The following NEK11 variants were observed in gnomAD, a reference collection of about 807,000 sequenced individuals.
NEK11 encodes NIMA related kinase 11, also known as serine/threonine-protein kinase Nek11.
NEK11 carries 72 observed loss-of-function variants against 80.7 expected under a neutral mutation model. That is an observed-to-expected ratio of 0.89 (90% CI 0.74 to 1.08). The LOEUF (loss-of-function observed/expected upper bound fraction) is 1.08. NEK11 is among the 50% of genes least tolerant of loss of function. NEK11 has a pLI of 0.00. For synonymous variants in NEK11, 251 were observed against 260.7 expected (o/e 0.96, Z 0.36); for missense variants, 764 against 763.6 (o/e 1.00, Z -0.01).
intron 14 of NEK11, among the ~76,000 whole-genome samples, chr3:131,223,236 T>C (rs2095082623): frequency 6.6e-6 from 1 of 152,204 alleles, no homozygotes; most frequent in Non-Finnish European, 1.5e-5. Context: ...TGAACGGACT[T>C]ACGTTTTTTT....
chr3:131,094,595 A>C (rs1440851067), intron 4 of NEK11, among the ~76,000 whole-genome samples: 3 of 152,178 alleles, frequency 2.0e-5, no homozygotes, highest in African/African-American at 7.2e-5. Context: ...ACCACTGGAA[A>C]TTTCTCCAGG....
At chr3:131,030,631 T>A (rs1307053340) in intron 3 of NEK11, among the ~76,000 whole-genome samples, 2 of 152,204 alleles carry the variant, frequency 1.3e-5, no homozygotes, top group African/African-American at 4.8e-5. Context: ...ATGGCGAGGA[T>A]TTTCAAATTC....
intron 4 of NEK11, among the ~76,000 whole-genome samples, chr3:131,091,392 A>G (rs1372962256): frequency 6.6e-6 from 1 of 152,160 alleles, no homozygotes; most frequent in African/African-American, 2.4e-5. Flanking sequence ...AATTACAGGA[A>G]ATCAGGCACT....
intron 17 of NEK11, among the ~76,000 whole-genome samples, chr3:131,335,825 C>G (rs1260673708): frequency 6.6e-6 from 1 of 152,094 alleles, no homozygotes; most frequent in African/African-American, 2.4e-5. Flanking sequence ...ACATCAATAA[C>G]AGACAAACAG....
At chr3:131,273,103 A>G (rs1303621814) in intron 16 of NEK11, among the ~76,000 whole-genome samples, 1 of 152,220 alleles carries the variant, frequency 6.6e-6, no homozygotes, top group East Asian at 1.9e-4. Flanking sequence ...CTAGTCACTT[A>G]GTCAAACATC....
At chr3:131,108,955 A>G (rs2079628107) in intron 4 of NEK11, among the ~76,000 whole-genome samples, 1 of 152,118 alleles carries the variant, frequency 6.6e-6, no homozygotes, top group Non-Finnish European at 1.5e-5. Context: ...TCATCACTTT[A>G]TATTAAATTC....
chr3:131,101,164 A>AT (rs1419812692), intron 4 of NEK11, among the ~76,000 whole-genome samples: 2 of 151,834 alleles, frequency 1.3e-5, no homozygotes, highest in Non-Finnish European at 2.9e-5. Context: ...AATCTTGTTT[A>AT]TTTTTTATAA....
chr3:131,187,852 C>T (rs1301427028), intron 14 of NEK11, among the ~76,000 whole-genome samples: 1 of 152,144 alleles, frequency 6.6e-6, no homozygotes, highest in Non-Finnish European at 1.5e-5. Flanking sequence ...ATAATAATTC[C>T]TTCCCACAGT....
chr3:131,119,802 T>A (rs2082046230), intron 5 of NEK11, among the ~76,000 whole-genome samples: 1 of 152,104 alleles, frequency 6.6e-6, no homozygotes, highest in African/African-American at 2.4e-5. Flanking sequence ...CCCCTGCTTT[T>A]ATGTTTTGTT....
chr3:131,244,337 C>A (rs762524148), intron 16 of NEK11, among the ~76,000 whole-genome samples: 1 of 152,094 alleles, frequency 6.6e-6, no homozygotes, highest in Non-Finnish European at 1.5e-5. Flanking sequence ...TCTCACCTGA[C>A]CATCACCCTG....
intron 14 of NEK11, among the ~76,000 whole-genome samples, chr3:131,220,285 C>T (rs527311622): frequency 2.6e-5 from 4 of 151,936 alleles, no homozygotes; most frequent in East Asian, 1.9e-4. Flanking sequence ...GTTTTGGGGA[C>T]GTTGTAGCAT....
At chr3:131,238,653 T>G (rs1209553472) in intron 15 of NEK11, among the ~76,000 whole-genome samples, 2 of 152,164 alleles carry the variant, frequency 1.3e-5, no homozygotes, top group Non-Finnish European at 1.5e-5. Flanking sequence ...CAGCCCTTGA[T>G]GGGACAAAAG....
chr3:131,349,618 G>C lies in NEK11; in HGVS notation c.1780G>C (p.Ala594Pro), dbSNP rs1381899361. 6.2e-7 allele frequency: 1 copy of C among 1,614,180 alleles called. No homozygotes were observed. The highest frequency in any genetic ancestry group is 1.1e-5 in the South Asian group (1 of 91,080). The change falls in exon 18 of 18, where the codon GCA becomes CCA. Residue 594 changes from alanine to proline, a missense_variant. Ala to Pro is a conservative substitution (Grantham distance 27). Transcript: ENST00000383366. Reference protein sequence around the residue: ...FEEVYNYLKRARHQNASEAEI... With the variant: ...FEEVYNYLKRPRHQNASEAEI... Reference sequence around the variant, plus strand: ...AGAGGTCTATAATTACCTCAAGAGAGCAAGGCATCAGAATGCTAGCGAAGC... The same window carrying C: ...AGAGGTCTATAATTACCTCAAGAGACCAAGGCATCAGAATGCTAGCGAAGC...
At chr3:131,053,598 C>T (rs1193256585) in intron 3 of NEK11, 1 of 152,168 alleles carries the variant, frequency 6.6e-6, no homozygotes, top group Non-Finnish European at 1.5e-5. Flanking sequence ...TCTCCAGTGT[C>T]CATGAGAATG....
At chr3:131,349,231 G>A (rs1257392729) in intron 17 of NEK11, among the ~76,000 whole-genome samples, 2 of 151,886 alleles carry the variant, frequency 1.3e-5, no homozygotes. Context: ...GTGTATATGT[G>A]TATATATACA....
chr3:131,332,149 G>C (rs1023716756), intron 17 of NEK11, among the ~76,000 whole-genome samples: 1 of 152,224 alleles, frequency 6.6e-6, no homozygotes, highest in African/African-American at 2.4e-5. Flanking sequence ...TCTGAGAACG[G>C]GCAGACTGCC....
intron 11 of NEK11, among the ~76,000 whole-genome samples, chr3:131,164,998 C>T (rs531413350): frequency 8.5e-5 from 13 of 152,262 alleles, no homozygotes; most frequent in East Asian, 5.8e-4. Flanking sequence ...AATTCCCCTG[C>T]GCAATGACTC....
intron 3 of NEK11, among the ~76,000 whole-genome samples, chr3:131,075,328 A>G (rs539483825): frequency 1.3e-5 from 2 of 152,334 alleles, no homozygotes; most frequent in Admixed American, 1.3e-4. Flanking sequence ...TTTTTGTTTT[A>G]CCAAGGGAAG....
At chr3:131,218,443 G>A (rs1231653341) in intron 14 of NEK11, among the ~76,000 whole-genome samples, 2 of 152,206 alleles carry the variant, frequency 1.3e-5, no homozygotes, top group Non-Finnish European at 2.9e-5. Context: ...GGCCAGGACT[G>A]CCCCTGGGGC....
Sources: gnomAD v4.1 joint callset for allele counts (sites outside exome capture counted in the v4.1 genomes callset) on GRCh38, gnomAD v4.1.1 for gene constraint, MANE v1.5 for transcripts, NCBI Gene and HGNC (gene_info 2026-07-23, HGNC 2026-07-21) for gene names.